Variants in STAG1 observed in about 807,000 individuals in gnomAD.
STAG1 encodes cohesin subunit SA-1.
Under a neutral mutation model 170.9 loss-of-function variants are expected in STAG1, and 26 were observed. The ratio of observed to expected loss-of-function variants is 0.15; its 90% CI spans 0.11 to 0.21. The LOEUF (loss-of-function observed/expected upper bound fraction) is 0.21, where lower values mean the gene tolerates loss of function less well. Ranked by LOEUF, STAG1 falls within the 10% of genes least tolerant of loss-of-function variation. STAG1 has a pLI of 1.00. For missense variants in STAG1, 964 were observed against 1,509.5 expected, an observed-to-expected ratio of 0.64 and a Z score of 5.99; for synonymous variants, 514 against 497.7, an observed-to-expected ratio of 1.03 and a Z score of -0.44.
At chr3:136,677,584 G>A (rs1454226721) in intron 1 of STAG1, among the ~76,000 whole-genome samples, 2 of 152,094 alleles carry the variant, frequency 1.3e-5, no homozygotes, top group African/African-American at 4.8e-5. Context: ...ATTAAGGCAT[G>A]AGGACTCTAC....
chr3:136,711,527 C>T lies in STAG1; in HGVS notation c.-84+40668G>A, dbSNP rs192700687. On this transcript the variant is annotated intron_variant, in intron 1 of 33. Coordinates refer to ENST00000383202, the MANE Select transcript of STAG1 (RefSeq NM_005862.3). ...AGTACACTGTTATCACGCTACTGCACGCCAGCCTGGGAAACAGAGCGAGAG... is the reference window on the plus strand; with the variant it reads ...AGTACACTGTTATCACGCTACTGCATGCCAGCCTGGGAAACAGAGCGAGAG... 2.1e-4 allele frequency among the ~76,000 whole-genome samples: 31 copies of T among 151,122 alleles called. No individual in the cohort carries two copies. The East Asian group carries it at 4.6e-3, about 23-fold the overall frequency.
At chr3:136,485,456 A>G (rs1289707068) in intron 9 of STAG1, among the ~76,000 whole-genome samples, 2 of 152,090 alleles carry the variant, frequency 1.3e-5, no homozygotes, top group Non-Finnish European at 2.9e-5. Context: ...GATTCTGTCT[A>G]AAAAGAAAAA....
chr3:136,525,591 C>G (rs1423462360), intron 6 of STAG1, among the ~76,000 whole-genome samples: 1 of 152,102 alleles, frequency 6.6e-6, no homozygotes, highest in Non-Finnish European at 1.5e-5. Flanking sequence ...CTGTCTCTAT[C>G]TCCTTCAGTT....
intron 1 of STAG1, among the ~76,000 whole-genome samples, chr3:136,695,088 C>T (rs1309609605): frequency 2.0e-5 from 3 of 152,216 alleles, no homozygotes; most frequent in Non-Finnish European, 4.4e-5. Flanking sequence ...CCAATTTAGA[C>T]TGTTTTTTGG....
chr3:136,611,488 G>C (rs1262070897), intron 3 of STAG1, among the ~76,000 whole-genome samples: 2 of 151,002 alleles, frequency 1.3e-5, no homozygotes, highest in African/African-American at 4.9e-5. Context: ...ACAAAGTTTT[G>C]ACCTTTTTAC....
At chr3:136,708,399 TAATA>T (rs1486155985) in intron 1 of STAG1, among the ~76,000 whole-genome samples, 1 of 151,856 alleles carries the variant, frequency 6.6e-6, no homozygotes, top group African/African-American at 2.4e-5. Context: ...ATAAGAAATA[TAATA>T]AATAAGCAAA....
chr3:136,426,403 C>T (rs2088126143), intron 16 of STAG1, among the ~76,000 whole-genome samples: 1 of 152,108 alleles, frequency 6.6e-6, no homozygotes, highest in Non-Finnish European at 1.5e-5. Flanking sequence ...TAGCGAGACT[C>T]CGTCTCAAAA....
At chr3:136,519,273 G>A (rs570127307) in intron 7 of STAG1, among the ~76,000 whole-genome samples, 1 of 152,198 alleles carries the variant, frequency 6.6e-6, no homozygotes, top group East Asian at 1.9e-4. Flanking sequence ...ATGCACACAA[G>A]TTTCTAGATT....
At chr3:136,617,637 T>C (rs1215281975) in intron 3 of STAG1, among the ~76,000 whole-genome samples, 4 of 152,194 alleles carry the variant, frequency 2.6e-5, no homozygotes, top group African/African-American at 9.6e-5. Context: ...ACAGGAGTTA[T>C]AACAGATTGT....
At chr3:136,515,231 A>T (rs1172928356) in intron 7 of STAG1, among the ~76,000 whole-genome samples, 1 of 151,928 alleles carries the variant, frequency 6.6e-6, no homozygotes, top group African/African-American at 2.4e-5. Context: ...TGGGTGTGGT[A>T]GTGCACGCCT....
intron 11 of STAG1, 61 bp downstream of exon 11, chr3:136,473,478 T>C: frequency 8.1e-7 from 1 of 1,229,498 alleles, no homozygotes; most frequent in Non-Finnish European, 1.2e-6. Flanking sequence ...TTTGCTAAAC[T>C]AGCTGTAACT....
chr3:136,453,782 G>A (rs993473416), intron 13 of STAG1, among the ~76,000 whole-genome samples: 2 of 150,570 alleles, frequency 1.3e-5, no homozygotes, highest in African/African-American at 2.4e-5. Context: ...TATGTATATA[G>A]CATGTACTAG....
chr3:136,435,824 C>T (rs552558846), intron 15 of STAG1, among the ~76,000 whole-genome samples: 19 of 151,878 alleles, frequency 1.3e-4, no homozygotes, highest in African/African-American at 3.6e-4. Context: ...TGGCTGCCAC[C>T]GCCCCTGGCT....
At chr3:136,478,475 T>C (rs528678227) in intron 9 of STAG1, among the ~76,000 whole-genome samples, 2 of 152,360 alleles carry the variant, frequency 1.3e-5, no homozygotes, top group Admixed American at 1.3e-4. Flanking sequence ...TATAATATCA[T>C]AAATCCTAAT....
At chr3:136,665,447 A>C (rs1365737884) in intron 1 of STAG1, among the ~76,000 whole-genome samples, 1 of 152,124 alleles carries the variant, frequency 6.6e-6, no homozygotes, top group East Asian at 1.9e-4. Context: ...GTTATCCTAG[A>C]TTATCCAGGT....
chr3:136,672,870 A>G (rs550169487), intron 1 of STAG1, among the ~76,000 whole-genome samples: 1 of 152,346 alleles, frequency 6.6e-6, no homozygotes, highest in African/African-American at 2.4e-5. Context: ...ATTTGGACAG[A>G]AGAAAAATTA....
chr3:136,685,396 C>A (rs1039481910), intron 1 of STAG1, among the ~76,000 whole-genome samples: 2 of 152,072 alleles, frequency 1.3e-5, no homozygotes, highest in Non-Finnish European at 2.9e-5. Context: ...TGAGCCAGAC[C>A]TTAAACAGAC....
intron 3 of STAG1, among the ~76,000 whole-genome samples, chr3:136,607,457 C>T (rs551269721): frequency 5.0e-4 from 76 of 152,246 alleles, no homozygotes; most frequent in Non-Finnish European, 3.2e-4. Flanking sequence ...GGCTGGAGTG[C>T]GGTGGTGCGA....
At chr3:136,541,530 C>CTT (rs1935897071) in intron 6 of STAG1, among the ~76,000 whole-genome samples, 2 of 94,688 alleles carry the variant, frequency 2.1e-5, no homozygotes, top group Admixed American at 1.1e-4. Context: ...CAAATAGAAG[C>CTT]TTAACATTCA....
Sources: allele counts gnomAD v4.1 joint callset (sites outside exome capture counted in the v4.1 genomes callset), GRCh38; gene constraint gnomAD v4.1.1; transcripts MANE v1.5; gene names NCBI Gene and HGNC (gene_info 2026-07-23, HGNC 2026-07-21).